PKD1: variants seen among roughly 807,000 people sequenced by gnomAD.
The protein encoded by PKD1 is polycystin 1, transient receptor potential channel interacting, also known as polycystin-1.
PKD1 carries 81 observed loss-of-function variants against 361.7 expected under a neutral mutation model. The observed-to-expected ratio is 0.22, with a 90% CI of 0.19 to 0.27. The LOEUF is 0.27. Ranked by LOEUF, PKD1 falls within the 10% of genes least tolerant of loss-of-function variation. The pLI is 1.00. For missense variants in PKD1, 6,399 were observed against 6,118.3 expected (o/e 1.05, Z -1.53); for synonymous variants, 3,615 against 2,818.3 (o/e 1.28, Z -8.95).
chr16:2,104,371 G>C, intron 22 of PKD1, 127 bp downstream of exon 22: 1 of 559,366 alleles, frequency 1.8e-6, no homozygotes, highest in Non-Finnish European at 3.2e-6. Context: ...GATGAGGATG[G>C]GAATTGGGGG....
In PKD1 at chr16:2,111,568, G is replaced by T. The variant is rs753833996; in HGVS notation, c.3599C>A (p.Ala1200Glu). The stretch of plus-strand genomic sequence containing the variant: ...GACGCGCACATCCGCCTGGGCCGCC[G>T]CACCGCTCACCGTGTTGTTGACCTC... ...RLEVNNTVSGAAAQADVRVFE... is the reference protein window; with the variant it reads ...RLEVNNTVSGEAAQADVRVFE... Residue 1200 changes from alanine (A) to glutamate (E), a missense_variant, in exon 15 of 46, where the codon GCG (alanine) becomes GAG (glutamate). Coordinates refer to ENST00000262304, the MANE Select transcript of PKD1 (RefSeq NM_001009944.3). The T allele has an allele frequency of 1.3e-6, 2 of 1,578,740 alleles. No homozygotes were observed. The highest frequency in any genetic ancestry group is 2.7e-5 in the African/African-American group (2 of 74,178).
chr16:2,113,637 C>T (rs967478914), intron 11 of PKD1: 4 of 422,720 alleles, frequency 9.5e-6, no homozygotes, highest in African/African-American at 6.0e-5. Flanking sequence ...GAGCTCGGAG[C>T]AGTGAGGGGA....
Position 2,111,632 on chromosome 16 carries a change from G to T in PKD1, c.3535C>A (p.His1179Asn), listed in dbSNP as rs2092508268. The change falls in exon 15 of 46, where the codon CAC (histidine) becomes AAC (asparagine). Residue 1179 changes from histidine to asparagine, a missense_variant. Coordinates refer to ENST00000262304, the MANE Select transcript of PKD1 (RefSeq NM_001009944.3). ...TAGGTGCCCCTCGAGGCATAGGTGT[G>T]GTTGGCAGCCGGCTGGCTCTGGGTC... The part of the protein sequence containing the change: ...VLTQSQPAAN[H>N]TYASRGTYHV... 11 of 1,575,200 alleles carry T rather than the reference G, an allele frequency of 7.0e-6. No homozygotes were observed. The highest frequency in any genetic ancestry group is 9.5e-6 in the Non-Finnish European group (11 of 1,161,708).
chr16:2,112,983 T>A lies in PKD1; in HGVS notation c.2986-20A>T. The A allele has an allele frequency of 6.3e-7, 1 of 1,593,642 alleles. No individual in the cohort carries two copies. Reference sequence around the variant, plus strand: ...CGTCAGCTGCAGGGACAGGCGTCAGTGAGCCCAGGTGGCAGGTGAGAGGCC... The same window carrying A: ...CGTCAGCTGCAGGGACAGGCGTCAGAGAGCCCAGGTGGCAGGTGAGAGGCC... On this transcript the variant is annotated intron_variant, in intron 12 of 45. Coordinates refer to ENST00000262304, the MANE Select transcript of PKD1 (RefSeq NM_001009944.3).
At chr16:2,101,657 G>A (rs1436802346) in intron 26 of PKD1, among the ~76,000 whole-genome samples, 1 of 152,264 alleles carries the variant, frequency 6.6e-6, no homozygotes, top group Non-Finnish European at 1.5e-5. Context: ...AATGCCAGAA[G>A]GGCAATTCCA....
chr16:2,107,296 C>G (rs1225663362), intron 16 of PKD1: 2 of 399,674 alleles, frequency 5.0e-6, no homozygotes, highest in African/African-American at 4.2e-5. Context: ...AGGCCTGACT[C>G]ACAGACTCCT....
rs550574790 is a variant in PKD1, at chr16:2,110,738, G to A, written c.4429C>T (p.Leu1477Phe). The A allele has an allele frequency of 3.7e-6, 6 of 1,610,472 alleles. No individual in the cohort carries two copies. Among genetic ancestry groups the A allele is most frequent in the East Asian group, 2.2e-5 (1 of 44,888 alleles). The change falls in exon 15 of 46, where the codon CTT becomes TTT. Residue 1477 changes from leucine (L) to phenylalanine (F), a missense_variant. Physicochemically the swap from Leu to Phe is conservative, Grantham distance 22. Transcript: ENST00000262304. ...LVTSIKVNGS[L>F]GLELQQPYLF... Reference sequence around the variant, plus strand: ...TACGGCTGCTGCAGCTCCAGCCCAAGGGAGCCATTGACCTTGATGCTGGTG... The same window carrying A: ...TACGGCTGCTGCAGCTCCAGCCCAAAGGAGCCATTGACCTTGATGCTGGTG...
At chr16:2,115,227 G>A (rs1326980759) in intron 10 of PKD1, 151 bp downstream of exon 10, 55 of 1,045,392 alleles carry the variant, frequency 5.3e-5, no homozygotes, top group Non-Finnish European at 6.8e-5. Flanking sequence ...GAGGGCCGAG[G>A]GCACTGCAGA....
intron 22 of PKD1, 69 bp downstream of exon 22, chr16:2,104,429 G>C: frequency 8.1e-7 from 1 of 1,229,030 alleles, no homozygotes; most frequent in Non-Finnish European, 1.1e-6. Context: ...ACGCGGTTGG[G>C]GGGAGGAGGG....
At position 2,117,394 on chromosome 16, in the gene PKD1, A is replaced by C. The variant is rs560645705; in HGVS notation, c.1385+95T>G. ...GCTCACCAGGGCCGGCCCAGCTCCCACCTCCTTCCTCCTGAGACTCCCCAG... is the reference window on the plus strand; with the variant it reads ...GCTCACCAGGGCCGGCCCAGCTCCCCCCTCCTTCCTCCTGAGACTCCCCAG... On this transcript the variant is annotated intron_variant, in intron 6 of 45. Transcript: ENST00000262304. The C allele has an allele frequency of 9.2e-5, 90 of 983,576 alleles. No homozygotes were observed. In the Middle Eastern group the frequency reaches 1.3e-3, roughly 14 times the overall value. The allele number at this position is 983,576 out of a possible 1,614,324, so 60.9% of individuals were successfully genotyped here.
At chr16:2,096,887 G>T in intron 34 of PKD1, 1 of 553,818 alleles carries the variant, frequency 1.8e-6, no homozygotes, top group South Asian at 2.4e-5. Flanking sequence ...ACGTGGCCCC[G>T]GCCAGCCTCA....
chr16:2,096,277 G>A (rs575372346), intron 34 of PKD1, among the ~76,000 whole-genome samples: 16 of 152,372 alleles, frequency 1.1e-4, no homozygotes, highest in African/African-American at 3.6e-4. Context: ...CACCGCACCT[G>A]CACTGCATGC....
In PKD1 at chr16:2,092,584, T is replaced by G. The variant is rs2091646137; in HGVS notation, c.11165A>C (p.Glu3722Ala). The G allele has an allele frequency of 6.2e-7, 1 of 1,606,872 alleles. No individual in the cohort carries two copies. The highest frequency in any genetic ancestry group is 8.5e-7 in the Non-Finnish European group (1 of 1,175,688). The change falls in exon 39 of 46, where the codon GAG (glutamate) becomes GCG (alanine). Residue 3722 changes from glutamate to alanine, a missense_variant. Coordinates refer to ENST00000262304, the MANE Select transcript of PKD1 (RefSeq NM_001009944.3). ...RAFLAITRSE[E>A]LWPWMAHVLL... is the part of the protein sequence containing the mutation. ...CACGTGGGCCATCCATGGCCAGAGCTCCTCAGACCTGCCACAGCATCAGTC... is the reference window on the plus strand; with the variant it reads ...CACGTGGGCCATCCATGGCCAGAGCGCCTCAGACCTGCCACAGCATCAGTC...
In PKD1 at chr16:2,111,519, G is replaced by T; in HGVS notation, c.3648C>A (p.Ser1216Arg). Residue 1216 changes from serine to arginine, a missense_variant, in exon 15 of 46, where the codon AGC becomes AGA. Ser to Arg is a moderately radical substitution (Grantham distance 110, BLOSUM62 -1). Transcript: ENST00000262304. ...VRVFEELRGL[S>R]VDMSLAVEQG... is the part of the protein sequence containing the mutation. ...GCTCCACGGCCAGGCTCATGTCCAC[G>T]CTGAGTCCGCGGAGCTCCTCAAAGA... The T allele has an allele frequency of 6.2e-7, 1 of 1,608,194 alleles. No individual in the cohort carries two copies.
chr16:2,092,860 G>T lies in PKD1; in HGVS notation c.11156+94C>A, dbSNP rs1464946159. The T allele has an allele frequency of 4.1e-6, 6 of 1,447,254 alleles. No individual in the cohort carries two copies. The East Asian group carries it at 6.8e-5, about 16-fold the overall frequency. The allele number at this position is 1,447,254 out of a possible 1,614,324, so 89.7% of individuals were successfully genotyped here. On this transcript the variant is annotated intron_variant, in intron 38 of 45. Transcript: ENST00000262304. ...ACCTCCAGTTCTAGCAGCCACAAAG[G>T]TATCTACACATGTCCACATGTCCCC...
chr16:2,099,839 C>G (rs940939547), intron 29 of PKD1, 22 bp downstream of exon 29: 2 of 1,561,056 alleles, frequency 1.3e-6, no homozygotes, highest in African/African-American at 2.7e-5. Context: ...GAAGAGGCTG[C>G]CCCGACCCCT....
rs949213110 is a variant in PKD1 at position 2,089,625 on chromosome 16, C to T, written c.*102G>A. Reference sequence around the variant, plus strand: ...CCCTGCCTGCTCTCTGGGGAACCTACGTGCAGCCATTCTGCCTGGCCCTCG... The same window carrying T: ...CCCTGCCTGCTCTCTGGGGAACCTATGTGCAGCCATTCTGCCTGGCCCTCG... On this transcript the variant is annotated 3_prime_UTR_variant, in exon 46 of 46. Transcript: ENST00000262304. 1.0e-5 allele frequency: 14 copies of T among 1,401,566 alleles called. No individual in the cohort carries two copies. The Admixed American group carries it at 2.0e-4, about 20-fold the overall frequency. 86.8% of individuals were successfully genotyped at this position (1,401,566 alleles called of 1,614,324 possible). A position where few individuals can be genotyped will look rare whatever the true frequency, so the allele number is the denominator to read the frequency against.
In PKD1 at chr16:2,108,371, G is replaced by A. The variant is rs2092414502; in HGVS notation, c.6796C>T (p.Arg2266Cys). 14 of 1,610,354 alleles carry A rather than the reference G, an allele frequency of 8.7e-6. No homozygotes were observed. The highest frequency in any genetic ancestry group is 4.5e-5 in the East Asian group (2 of 44,898). Residue 2266 changes from arginine (R) to cysteine (C), a missense_variant, in exon 15 of 46, where the codon CGC (arginine) becomes TGC (cysteine). Arg to Cys is a radical substitution (Grantham distance 180). Transcript: ENST00000262304. Reference protein sequence around the residue: ...LVPIIEGGSYRVWSDTRDLVL... With the variant: ...LVPIIEGGSYCVWSDTRDLVL... The stretch of plus-strand genomic sequence containing the variant: ...AGGTCCCGTGTGTCTGACCACACGC[G>A]GTATGAGCCACCCTCAATGATGGGC...
rs1307870502 is a variant in PKD1 at position 2,126,438 on chromosome 16, C to T, written c.216-7060G>A. ...GCTGCAGGGAGAAAAGGACCCAGCC[C>T]GCCTCAGCCCCAGATGTAGCCCTTC... On this transcript the variant is annotated intron_variant, in intron 1 of 45. Coordinates refer to ENST00000262304, the MANE Select transcript of PKD1 (RefSeq NM_001009944.3). 5.2e-5 allele frequency among the ~76,000 whole-genome samples: 8 copies of T among 152,392 alleles called. No individual in the cohort carries two copies. In the South Asian group the frequency reaches 6.2e-4, roughly 12 times the overall value.
Sources: gnomAD v4.1 joint callset for allele counts (sites outside exome capture counted in the v4.1 genomes callset) on GRCh38, gnomAD v4.1.1 for gene constraint, MANE v1.5 for transcripts, NCBI Gene and HGNC (gene_info 2026-07-23, HGNC 2026-07-21) for gene names.